The following SATB2 variants were observed in gnomAD, a reference collection of about 807,000 sequenced individuals.
SATB2 encodes the protein DNA-binding protein SATB2.
In SATB2, 1 loss-of-function variant was observed where a neutral mutation model predicts 73.4. That is an observed-to-expected ratio of 0.01 (90% CI 0.00 to 0.06). The LOEUF is 0.06. Among genes scored for constraint, SATB2 ranks in the 10% least tolerant of loss-of-function variants. The probability of loss-of-function intolerance (pLI) is 1.00; values close to 1 mark genes in which losing one functional copy is unlikely to be tolerated. For missense variants in SATB2, 459 were observed against 945.8 expected, an observed-to-expected ratio of 0.49 and a Z score of 6.75; for synonymous variants, 397 against 367.0, an observed-to-expected ratio of 1.08 and a Z score of -0.93.
At chr2:199,350,785 G>A (rs1351914844) in intron 6 of SATB2, among the ~76,000 whole-genome samples, 2 of 152,086 alleles carry the variant, frequency 1.3e-5, no homozygotes, top group Admixed American at 6.5e-5. Context: ...CACTTTGGGA[G>A]GCCGAGGCTG....
intron 3 of SATB2, among the ~76,000 whole-genome samples, chr2:199,391,432 C>CAAAAAAAAAAAAAAAA (rs56190034): frequency 6.1e-5 from 6 of 98,646 alleles, no homozygotes; most frequent in African/African-American, 2.4e-4. Context: ...GACTCCGTCT[C>CAAAAAAAAAAAAAAAA]AAAAAAAAAA....
chr2:199,412,507 A>C (rs566035069), intron 3 of SATB2, among the ~76,000 whole-genome samples: 1 of 152,270 alleles, frequency 6.6e-6, no homozygotes, highest in East Asian at 1.9e-4. Flanking sequence ...CAGCACACAA[A>C]GACTAAAGCG....
chr2:199,289,891 C>T (rs74826454), intron 10 of SATB2, among the ~76,000 whole-genome samples: 2,736 of 152,298 alleles, frequency 0.018, 96 homozygotes, highest in African/African-American at 0.062. Flanking sequence ...ACTCCCATTG[C>T]TGTAATTCAG....
At chr2:199,392,258 T>G (rs894788279) in intron 3 of SATB2, among the ~76,000 whole-genome samples, 1 of 152,094 alleles carries the variant, frequency 6.6e-6, no homozygotes, top group Non-Finnish European at 1.5e-5. Context: ...TTCCTTTTTT[T>G]TTTCCCTTCA....
chr2:199,361,500 C>G (rs1231178528), intron 6 of SATB2, among the ~76,000 whole-genome samples: 3 of 151,906 alleles, frequency 2.0e-5, no homozygotes, highest in Admixed American at 2.0e-4. Context: ...GGTGTACACA[C>G]CAGCCTTCCC....
intron 6 of SATB2, among the ~76,000 whole-genome samples, chr2:199,364,408 A>T (rs888734980): frequency 6.6e-6 from 1 of 152,326 alleles, no homozygotes; most frequent in Non-Finnish European, 1.5e-5. Flanking sequence ...CAGATAAAAT[A>T]CTGATTAGTA....
chr2:199,433,495 A>G lies in SATB2; in HGVS notation c.189T>C (p.Phe63=). Residue 63 remains phenylalanine, a synonymous_variant, in exon 3 of 11, where the codon TTT becomes TTC. Transcript: ENST00000417098. ...AGCCGTCCAACTGCTCCACGACACA[A>G]AAGACAGGAATCATCAAACCTGAAG... The part of the protein sequence containing the change: ...KAVGGLMIPV[F]CVVEQLDGSL... 2 of 1,614,192 alleles carry G rather than the reference A, an allele frequency of 1.2e-6. No individual in the cohort carries two copies. The highest frequency in any genetic ancestry group is 1.7e-6 in the Non-Finnish European group (2 of 1,180,026).
chr2:199,340,007 A>C (rs1217275802), intron 7 of SATB2, among the ~76,000 whole-genome samples: 1 of 152,182 alleles, frequency 6.6e-6, no homozygotes, highest in Non-Finnish European at 1.5e-5. Flanking sequence ...GGGCATGAAT[A>C]TACTATAAAC....
upstream of SATB2, among the ~76,000 whole-genome samples, chr2:199,460,772 G>A (rs540193505): frequency 2.4e-4 from 36 of 152,176 alleles, 1 homozygote; most frequent in African/African-American, 8.2e-4. The surrounding 1 kb of genome is among the most constrained non-coding windows in gnomAD (Gnocchi z 4.0). Flanking sequence ...TAAACAACAC[G>A]GCTGTATTGT....
rs188913410 is a variant in SATB2 at position 199,407,823 on chromosome 2, T to C, written c.346+25515A>G. Among the ~76,000 whole-genome samples, 735 of 152,228 alleles carry C rather than the reference T, an allele frequency of 4.8e-3. 6 individuals carry two copies. Among genetic ancestry groups the C allele is most frequent in the African/African-American group, 0.016 (680 of 41,530 alleles). On this transcript the variant is annotated intron_variant, in intron 3 of 10. Transcript: ENST00000417098. The stretch of plus-strand genomic sequence containing the variant: ...GCCTAGAGATTCACATCCCAGGGTA[T>C]GGGAGGAATGCATAGAAGCGATATC...
At chr2:199,454,487 C>T (rs746701599) in intron 2 of SATB2, among the ~76,000 whole-genome samples, 2 of 152,082 alleles carry the variant, frequency 1.3e-5, no homozygotes, top group Non-Finnish European at 2.9e-5. Context: ...AGTATCAGGA[C>T]AACAAATTAA....
In SATB2 at chr2:199,349,133, A is replaced by G. The variant is rs762324979; in HGVS notation, c.741T>C (p.Val247=). 2 of 1,613,988 alleles carry G rather than the reference A, an allele frequency of 1.2e-6. No homozygotes were observed. Among genetic ancestry groups the G allele is most frequent in the Middle Eastern group, 1.7e-4 (1 of 6,058 alleles). The change falls in exon 7 of 11, where the codon GTT becomes GTC. Residue 247 remains valine, a synonymous_variant. Coordinates refer to ENST00000417098, the MANE Select transcript of SATB2 (RefSeq NM_001172509.2). ...VERENLSDYC[V]LGQRPMHLPN... The stretch of plus-strand genomic sequence containing the variant: ...GTAAATGCATTGGACGCTGGCCCAG[A>G]ACACAATAGTCTGAAAGGTTTTCTC...
intron 2 of SATB2, among the ~76,000 whole-genome samples, chr2:199,434,695 G>C (rs1329462620): frequency 1.3e-5 from 2 of 152,112 alleles, no homozygotes; most frequent in Non-Finnish European, 2.9e-5. Flanking sequence ...ACAAAAAGAA[G>C]ACCTCTGTGT....
chr2:199,357,075 G>A (rs1367270307), intron 6 of SATB2, among the ~76,000 whole-genome samples: 1 of 152,174 alleles, frequency 6.6e-6, no homozygotes, highest in Non-Finnish European at 1.5e-5. Flanking sequence ...ATGCCTTTAG[G>A]ACCCTGCAGT....
chr2:199,401,443 C>G (rs955300910), intron 3 of SATB2, among the ~76,000 whole-genome samples: 1 of 150,998 alleles, frequency 6.6e-6, no homozygotes, highest in African/African-American at 2.4e-5. Flanking sequence ...CTCCCAGCTA[C>G]TAGGGAGCCT....
At chr2:199,416,992 C>G (rs1160676268) in intron 3 of SATB2, among the ~76,000 whole-genome samples, 2 of 151,692 alleles carry the variant, frequency 1.3e-5, no homozygotes, top group Non-Finnish European at 2.9e-5. Flanking sequence ...GCGGAGATCA[C>G]GCCACTGCAC....
chr2:199,279,588 G>T lies in SATB2; in HGVS notation c.1741-6916C>A, dbSNP rs62181088. ...GACTGTATAAGGTGGTTGATCCAGT[G>T]TAGTAATAGGTTAAAACAGTTTCCC... On this transcript the variant is annotated intron_variant, in intron 10 of 10. Coordinates refer to ENST00000417098, the MANE Select transcript of SATB2 (RefSeq NM_001172509.2). Among the ~76,000 whole-genome samples the T allele has an allele frequency of 5.4e-3, 829 of 152,288 alleles. 3 individuals carry two copies. The highest frequency in any genetic ancestry group is 8.2e-3 in the Admixed American group (126 of 15,292).
chr2:199,437,592 C>A (rs1308350841), intron 2 of SATB2, among the ~76,000 whole-genome samples: 2 of 152,136 alleles, frequency 1.3e-5, no homozygotes, highest in Non-Finnish European at 2.9e-5. Context: ...TCCCTTTTTA[C>A]CTGTGTGTGA....
At chr2:199,372,038 A>G (rs976465873) in intron 5 of SATB2, among the ~76,000 whole-genome samples, 12 of 152,204 alleles carry the variant, frequency 7.9e-5, no homozygotes, top group Non-Finnish European at 1.5e-5. Flanking sequence ...ACACCACCAC[A>G]TAAACAGTGG....
Sources: gnomAD v4.1 joint callset for allele counts (sites outside exome capture counted in the v4.1 genomes callset) on GRCh38, gnomAD v4.1.1 for gene constraint, Gnocchi (gnomAD v3.1) non-coding constraint, MANE v1.5 for transcripts, NCBI Gene and HGNC (gene_info 2026-07-23, HGNC 2026-07-21) for gene names.